The following CHIC2 variants were observed in gnomAD, a reference collection of about 807,000 sequenced individuals.
The protein encoded by CHIC2 is cysteine-rich hydrophobic domain-containing protein 2.
In CHIC2, 14 loss-of-function variants were observed where a neutral mutation model predicts 25.9. The ratio of observed to expected loss-of-function variants is 0.54; its 90% CI spans 0.36 to 0.85. The LOEUF is 0.85. Among genes scored for constraint, CHIC2 ranks in the 40% least tolerant of loss-of-function variants. The pLI, the probability that CHIC2 is intolerant of heterozygous loss-of-function variation, is 0.01. For missense variants in CHIC2, 146 were observed against 202.0 expected (o/e 0.72, Z 1.68); for synonymous variants, 70 against 72.0 (o/e 0.97, Z 0.14).
At chr4:54,062,648 A>G (rs1206676761) in intron 1 of CHIC2, among the ~76,000 whole-genome samples, 1 of 152,188 alleles carries the variant, frequency 6.6e-6, no homozygotes, top group Non-Finnish European at 1.5e-5. Flanking sequence ...CATTACAACT[A>G]CAGCGTCGCC....
the CHIC2 span, among the ~76,000 whole-genome samples, chr4:54,089,255 A>G: frequency 6.6e-6 from 1 of 151,752 alleles, no homozygotes; most frequent in Non-Finnish European, 1.5e-5. Context: ...CTTCTTTTTG[A>G]TTTTTTTTCC....
rs34881525 is a variant in CHIC2, at chr4:54,009,954, T to TAAAAAAAAAAAAAAAAA, written c.*140_*141insTTTTTTTTTTTTTTTTT. 4 of 400,542 alleles carry TAAAAAAAAAAAAAAAAA rather than the reference T, an allele frequency of 1.0e-5. No homozygotes were observed. Among genetic ancestry groups the TAAAAAAAAAAAAAAAAA allele is most frequent in the Non-Finnish European group, 4.5e-6 (1 of 221,736 alleles). The allele number at this position is 400,542 out of a possible 1,614,324, so 24.8% of individuals were successfully genotyped here. A position where few individuals can be genotyped will look rare whatever the true frequency, so the allele number is the denominator to read the frequency against. On this transcript the variant is annotated 3_prime_UTR_variant, in exon 6 of 6. Coordinates refer to ENST00000263921, the MANE Select transcript of CHIC2 (RefSeq NM_012110.4). ...TGCACACTTAGAACATGCGGTTATT[T>TAAAAAAAAAAAAAAAAA]AAAAAAAAAACAAAAACAAAAACAA...
rs1560400964 is a variant in CHIC2 at position 54,064,404 on chromosome 4, C to T, written c.-104G>A. On this transcript the variant is annotated 5_prime_UTR_variant, in exon 1 of 6. Transcript: ENST00000263921. This position sits in a 1 kb window ranked among gnomAD's most constrained non-coding sequence, Gnocchi z 4.2. ...AGGCTGAGGGGAGTCGCCGCTGCCG[C>T]CGGCTCCGAGGCCGCGGAGTTCGCT... 3.9e-6 allele frequency: 6 copies of T among 1,545,410 alleles called. No individual in the cohort carries two copies. Among genetic ancestry groups the T allele is most frequent in the Admixed American group, 2.2e-5 (1 of 46,472 alleles).
At position 54,044,868 on chromosome 4, in the gene CHIC2, T is replaced by G. The variant is rs1244881301; in HGVS notation, c.330+4087A>C. Among the ~76,000 whole-genome samples, 12 of 152,094 alleles carry G rather than the reference T, an allele frequency of 7.9e-5. 1 individual carries two copies. The highest frequency in any genetic ancestry group is 1.0e-4 in the Non-Finnish European group (7 of 68,014). Reference sequence around the variant, plus strand: ...AATCAATGAATCCAGGAGCTGGTTTTTTGAAAAGATCAACAAAATTGATAG... The same window carrying G: ...AATCAATGAATCCAGGAGCTGGTTTGTTGAAAAGATCAACAAAATTGATAG... On this transcript the variant is annotated intron_variant, in intron 3 of 5. Coordinates refer to ENST00000263921, the MANE Select transcript of CHIC2 (RefSeq NM_012110.4).
intron 3 of CHIC2, among the ~76,000 whole-genome samples, chr4:54,035,442 A>G (rs1716356352): frequency 1.3e-5 from 2 of 152,238 alleles, no homozygotes; most frequent in East Asian, 1.9e-4. Flanking sequence ...CAAGTCATCT[A>G]TTTTATCTTG....
At chr4:54,035,178 AG>A (rs1716346230) in intron 3 of CHIC2, among the ~76,000 whole-genome samples, 2 of 152,178 alleles carry the variant, frequency 1.3e-5, no homozygotes, top group Admixed American at 1.3e-4. Flanking sequence ...TATGTTCATG[AG>A]GAACATTTTT....
chr4:54,068,626 C>G (rs1717561715), upstream of CHIC2, among the ~76,000 whole-genome samples: 2 of 152,170 alleles, frequency 1.3e-5, no homozygotes, highest in Non-Finnish European at 2.9e-5. Flanking sequence ...GTGCTTTTTC[C>G]TATTCTCCTG....
At chr4:54,043,531 C>T (rs188744898) in intron 3 of CHIC2, among the ~76,000 whole-genome samples, 2 of 151,692 alleles carry the variant, frequency 1.3e-5, no homozygotes. Context: ...TTTCAACCCA[C>T]AATTTCATAT....
chr4:54,021,758 A>G (rs1414077546), intron 3 of CHIC2, among the ~76,000 whole-genome samples: 1 of 152,116 alleles, frequency 6.6e-6, no homozygotes, highest in Admixed American at 6.5e-5. Context: ...TTGACGTTTT[A>G]CTGCCCTAGA....
At chr4:54,056,163 T>C (rs1007997442) in intron 1 of CHIC2, among the ~76,000 whole-genome samples, 2 of 152,166 alleles carry the variant, frequency 1.3e-5, no homozygotes, top group African/African-American at 4.8e-5. Flanking sequence ...ATAATTTCCA[T>C]TATTAACAGA....
Position 54,030,296 on chromosome 4 carries a change from T to C in CHIC2, c.331-16177A>G, listed in dbSNP as rs544844827. 5.3e-5 allele frequency among the ~76,000 whole-genome samples: 8 copies of C among 152,166 alleles called. No individual in the cohort carries two copies. The South Asian group carries it at 6.2e-4, about 12-fold the overall frequency. On this transcript the variant is annotated intron_variant, in intron 3 of 5. Coordinates refer to ENST00000263921, the MANE Select transcript of CHIC2 (RefSeq NM_012110.4). ...ACTTTGGGAGGCCGAGGCTGGAGGA[T>C]TGCTTGAACCCAGGAGTTAAAGACC... is the stretch of plus-strand genomic sequence containing the variant.
chr4:54,047,363 A>G (rs1436081975), intron 3 of CHIC2, among the ~76,000 whole-genome samples: 2 of 152,128 alleles, frequency 1.3e-5, no homozygotes, highest in Non-Finnish European at 2.9e-5. Flanking sequence ...TGGTTATTGC[A>G]GCACTATTCA....
At chr4:54,049,783 G>C (rs1716946272) in intron 1 of CHIC2, among the ~76,000 whole-genome samples, 1 of 151,978 alleles carries the variant, frequency 6.6e-6, no homozygotes, top group Non-Finnish European at 1.5e-5. Flanking sequence ...AGGAAAAAGG[G>C]AGAGAAAAAA....
intron 3 of CHIC2, among the ~76,000 whole-genome samples, chr4:54,028,315 A>G (rs1716122586): frequency 6.6e-6 from 1 of 152,204 alleles, no homozygotes. Flanking sequence ...AATAATAAAA[A>G]ATAGCTTGAT....
intron 1 of CHIC2, among the ~76,000 whole-genome samples, chr4:54,055,658 A>C (rs899353378): frequency 6.6e-6 from 1 of 152,204 alleles, no homozygotes; most frequent in Non-Finnish European, 1.5e-5. Flanking sequence ...CATATTGGTT[A>C]TGCAGATGGC....
Position 54,009,958 on chromosome 4 carries a change from AAAAAAAC to A in CHIC2, c.*130_*136del. On this transcript the variant is annotated 3_prime_UTR_variant, in exon 6 of 6. Coordinates refer to ENST00000263921, the MANE Select transcript of CHIC2 (RefSeq NM_012110.4). ...CACTTAGAACATGCGGTTATTTAAA[AAAAAAAC>A]AAAAACAAAAACAAAAAAAACACCA... 1.9e-6 allele frequency: 1 copy of A among 514,550 alleles called. No homozygotes were observed. The allele number at this position is 514,550 out of a possible 1,614,324, so 31.9% of individuals were successfully genotyped here.
chr4:54,067,197 A>G (rs1217634798), upstream of CHIC2, among the ~76,000 whole-genome samples: 1 of 152,188 alleles, frequency 6.6e-6, no homozygotes, highest in Non-Finnish European at 1.5e-5. Context: ...TCTAAGATCT[A>G]TTCAACAGAG....
intron 3 of CHIC2, among the ~76,000 whole-genome samples, chr4:54,018,530 T>C (rs1715808545): frequency 6.6e-6 from 1 of 152,088 alleles, no homozygotes; most frequent in South Asian, 2.1e-4. Flanking sequence ...AATGACTCAT[T>C]TAATCACAAT....
chr4:54,048,754 A>G, intron 3 of CHIC2: 1 of 405,290 alleles, frequency 2.5e-6, no homozygotes, highest in Non-Finnish European at 4.3e-6. Flanking sequence ...TAAAATTATA[A>G]ATATAATTTT....
Sources: gnomAD v4.1 joint callset for allele counts (sites outside exome capture counted in the v4.1 genomes callset) on GRCh38, gnomAD v4.1.1 for gene constraint, Gnocchi (gnomAD v3.1) non-coding constraint, MANE v1.5 for transcripts, NCBI Gene and HGNC (gene_info 2026-07-23, HGNC 2026-07-21) for gene names.